PIWIL4: variants seen among roughly 807,000 people sequenced by gnomAD.
PIWIL4 encodes the protein piwi like RNA-mediated gene silencing 4.
A neutral mutation model predicts 100.9 loss-of-function variants in PIWIL4; 50 were observed. That is an observed-to-expected ratio of 0.50 (90% confidence interval 0.39 to 0.63). The LOEUF is 0.63. PIWIL4 is among the 20% of genes least tolerant of loss of function. The pLI is 0.00. For synonymous variants in PIWIL4, 342 were observed against 367.5 expected (o/e 0.93, Z 0.79); for missense variants, 887 against 1,043.3 (o/e 0.85, Z 2.06).
intron 4 of PIWIL4, 103 bp from the exon 5 acceptor site, chr11:94,583,345 T>C: frequency 3.1e-6 from 4 of 1,309,876 alleles, no homozygotes; most frequent in Non-Finnish European, 4.3e-6. Context: ...ACCTGCAGTT[T>C]TGTTTTTGTT....
At chr11:94,620,743 T>C in intron 19 of PIWIL4, 133 bp from the exon 20 acceptor site, 1 of 624,484 alleles carries the variant, frequency 1.6e-6, no homozygotes, top group South Asian at 2.2e-5. Flanking sequence ...CTTTTGTTGG[T>C]TGAGGTTACC....
At chr11:94,591,528 A>C (rs1226300661) in intron 8 of PIWIL4, among the ~76,000 whole-genome samples, 1 of 152,242 alleles carries the variant, frequency 6.6e-6, no homozygotes, top group Non-Finnish European at 1.5e-5. Context: ...TGTGCATAAA[A>C]TGTGTTCTGT....
chr11:94,576,345 G>A (rs1948236480), intron 3 of PIWIL4, among the ~76,000 whole-genome samples: 1 of 152,104 alleles, frequency 6.6e-6, no homozygotes, highest in African/African-American at 2.4e-5. Context: ...GGTTGGCCAG[G>A]CTGGTCTCGA....
At chr11:94,607,083 G>C (rs144580595) in intron 13 of PIWIL4, among the ~76,000 whole-genome samples, 28 of 152,228 alleles carry the variant, frequency 1.8e-4, no homozygotes, top group Non-Finnish European at 3.8e-4. Flanking sequence ...CTGCAAAGTT[G>C]GGGGTGAGGG....
chr11:94,583,637 A>C, intron 5 of PIWIL4, 68 bp downstream of exon 5: 1 of 1,588,290 alleles, frequency 6.3e-7, no homozygotes, highest in Non-Finnish European at 8.6e-7. Context: ...CTGGGTATTA[A>C]AATAATCGAC....
rs750387203 is a variant in PIWIL4, at chr11:94,616,501, C to T, written c.1952C>T (p.Ser651Phe). Reference protein sequence around the residue: ...SVNPRITRWFSRCILQRTMTD... With the variant: ...SVNPRITRWFFRCILQRTMTD... ...TTTTTTTTTAACTTTAGGTGGTTTT[C>T]CCGCTGTATCCTTCAGAGAACAATG... Residue 651 changes from serine (S) to phenylalanine (F), a missense_variant, in exon 16 of 20, where the codon TCC (serine) becomes TTC (phenylalanine). This residue lies in a region of PIWIL4 where 741 missense variants were observed against 930.0 expected (regional missense o/e 0.80). Transcript: ENST00000299001. 1.3e-6 allele frequency: 2 copies of T among 1,594,538 alleles called. No individual in the cohort carries two copies. The highest frequency in any genetic ancestry group is 1.7e-6 in the Non-Finnish European group (2 of 1,174,250).
rs183615288 is a variant in PIWIL4, at chr11:94,583,437, C to G, written c.514-11C>G. The G allele has an allele frequency of 6.2e-7, 1 of 1,613,144 alleles. No homozygotes were observed. The highest frequency in any genetic ancestry group is 1.3e-5 in the African/African-American group (1 of 75,014). On this transcript the variant is annotated splice_polypyrimidine_tract_variant and intron_variant, in intron 4 of 19. Transcript: ENST00000299001. Reference sequence around the variant, plus strand: ...TTTGTAGGGTGCATATTAAGTACCTCTTTTTCCCAGGTCACAGAGTTGTCA... The same window carrying G: ...TTTGTAGGGTGCATATTAAGTACCTGTTTTTCCCAGGTCACAGAGTTGTCA...
intron 11 of PIWIL4, among the ~76,000 whole-genome samples, chr11:94,600,026 T>G (rs1000508061): frequency 6.6e-6 from 1 of 152,138 alleles, no homozygotes; most frequent in Non-Finnish European, 1.5e-5. Flanking sequence ...TACAATGTGG[T>G]CCCTTTTAGT....
chr11:94,569,433 C>G (rs952910478), intron 2 of PIWIL4, among the ~76,000 whole-genome samples: 3 of 151,846 alleles, frequency 2.0e-5, no homozygotes, highest in African/African-American at 7.3e-5. Context: ...GGCTGGAGTG[C>G]AATGGCGCAA....
rs184956722 is a variant in PIWIL4, at chr11:94,619,723, T to C, written c.2169-37T>C. The C allele has an allele frequency of 7.2e-5, 114 of 1,590,796 alleles. No individual in the cohort carries two copies. The African/African-American group carries it at 1.4e-3, about 20-fold the overall frequency. ...AAAATAGAAAGCTATATAGATTGGATTGAGTTCTTTTCATATTTTGCCTCT... is the reference window on the plus strand; with the variant it reads ...AAAATAGAAAGCTATATAGATTGGACTGAGTTCTTTTCATATTTTGCCTCT... On this transcript the variant is annotated intron_variant, in intron 17 of 19. Transcript: ENST00000299001.
At chr11:94,595,253 A>G in intron 9 of PIWIL4, 56 bp from the exon 10 acceptor site, 2 of 1,469,292 alleles carry the variant, frequency 1.4e-6, no homozygotes, top group Non-Finnish European at 9.5e-7. Flanking sequence ...TGGGCCTTTG[A>G]TGGGCTGAGT....
chr11:94,620,235 T>C lies in PIWIL4; in HGVS notation c.2442+91T>C, dbSNP rs930299032. 5.3e-6 allele frequency: 7 copies of C among 1,317,864 alleles called. No individual in the cohort carries two copies. In the African/African-American group the frequency reaches 8.9e-5, roughly 17 times the overall value. The allele number at this position is 1,317,864 out of a possible 1,614,324, so 81.6% of individuals were successfully genotyped here. On this transcript the variant is annotated intron_variant, in intron 19 of 19. Transcript: ENST00000299001. The stretch of plus-strand genomic sequence containing the variant: ...CACGTCATCTTTGTATCCCTAGATA[T>C]AGCACAATACCTGATATTTCCTAAA...
intron 2 of PIWIL4, among the ~76,000 whole-genome samples, chr11:94,572,328 A>G (rs1948167656): frequency 6.6e-6 from 1 of 152,102 alleles, no homozygotes; most frequent in Admixed American, 6.5e-5. Context: ...TTTTGTTGCC[A>G]TTGCTTTTGG....
intron 2 of PIWIL4, 55 bp downstream of exon 2, chr11:94,568,863 G>A (rs1948110903): frequency 1.3e-6 from 2 of 1,492,776 alleles, no homozygotes; most frequent in African/African-American, 1.4e-5. Flanking sequence ...TGGAGCAAGA[G>A]GAGCCCTGCC....
intron 15 of PIWIL4, among the ~76,000 whole-genome samples, chr11:94,614,655 G>C (rs191024555): frequency 6.6e-6 from 1 of 152,232 alleles, no homozygotes; most frequent in Admixed American, 6.5e-5. Flanking sequence ...TGCTGTCTTT[G>C]CATTTGAAGA....
rs1404327537 is a variant in PIWIL4, at chr11:94,608,636, G to A, written c.1893G>A (p.Lys631=). 3 of 1,614,054 alleles carry A rather than the reference G, an allele frequency of 1.9e-6. No individual in the cohort carries two copies. Among genetic ancestry groups the A allele is most frequent in the East Asian group, 2.2e-5 (1 of 44,890 alleles). Residue 631 remains lysine, a synonymous_variant, in exon 15 of 20, where the codon AAG becomes AAA. Transcript: ENST00000299001. ...GIDVCKDALS[K]DVMVVGCVAS... Reference sequence around the variant, plus strand: ...ATGTCTGTAAAGATGCACTCAGCAAGGACGTGATGGTTGTTGGATGCGTGG... The same window carrying A: ...ATGTCTGTAAAGATGCACTCAGCAAAGACGTGATGGTTGTTGGATGCGTGG...
chr11:94,614,984 C>T (rs1480184246), intron 15 of PIWIL4, among the ~76,000 whole-genome samples: 1 of 152,176 alleles, frequency 6.6e-6, no homozygotes, highest in Non-Finnish European at 1.5e-5. Flanking sequence ...AACATCTGAA[C>T]AAATGTGGTT....
intron 6 of PIWIL4, among the ~76,000 whole-genome samples, chr11:94,586,331 G>A (rs1336296361): frequency 6.6e-6 from 1 of 151,942 alleles, no homozygotes; most frequent in Non-Finnish European, 1.5e-5. Flanking sequence ...GTATCACAGT[G>A]TCTACTTAAT....
intron 8 of PIWIL4, among the ~76,000 whole-genome samples, chr11:94,591,700 G>A (rs1367808596): frequency 6.6e-6 from 1 of 152,006 alleles, no homozygotes; most frequent in Admixed American, 6.6e-5. Flanking sequence ...GTGCTTCACT[G>A]CATATATATT....
Sources: allele counts gnomAD v4.1 joint callset (sites outside exome capture counted in the v4.1 genomes callset), GRCh38; gene constraint gnomAD v4.1.1; regional missense constraint gnomAD v4.1.1; transcripts MANE v1.5; gene names NCBI Gene and HGNC (gene_info 2026-07-23, HGNC 2026-07-21).